The following MACROH2A1 variants were observed in gnomAD, a reference collection of about 807,000 sequenced individuals.
The protein encoded by MACROH2A1 is macroH2A.1 histone, also known as core histone macro-H2A.1.
A neutral mutation model predicts 31.6 loss-of-function variants in MACROH2A1; 2 were observed. The ratio of observed to expected loss-of-function variants is 0.06; its 90% CI spans 0.03 to 0.20. MACROH2A1 has a LOEUF of 0.20. MACROH2A1 is among the 10% of genes least tolerant of loss of function. The pLI is 1.00. For missense variants in MACROH2A1, 230 were observed against 474.0 expected (o/e 0.49, Z 4.78); for synonymous variants, 169 against 189.6 (o/e 0.89, Z 0.89).
intron 2 of MACROH2A1, among the ~76,000 whole-genome samples, chr5:135,372,292 G>A (rs767323387): frequency 2.6e-5 from 4 of 152,226 alleles, no homozygotes; most frequent in Non-Finnish European, 2.9e-5. Flanking sequence ...ATACATGTGA[G>A]AGCCACAAAA....
Position 135,353,391 on chromosome 5 carries a change from G to A in MACROH2A1, c.589-346C>T, listed in dbSNP as rs543320059. ...TCAGGACCTAGAATGAGTACTCATT[G>A]CTGAGGGTTGGGGGCTGGTGGATGT... On this transcript the variant is annotated intron_variant, in intron 5 of 8. Coordinates refer to ENST00000511689, the MANE Select transcript of MACROH2A1 (RefSeq NM_138610.3). The A allele has an allele frequency of 3.4e-5, 9 of 267,132 alleles. No individual in the cohort carries two copies. The South Asian group carries it at 4.2e-4, about 12-fold the overall frequency. The allele number at this position is 267,132 out of a possible 1,614,324, so 16.5% of individuals were successfully genotyped here.
At chr5:135,367,293 T>C (rs1001418142) in intron 4 of MACROH2A1, among the ~76,000 whole-genome samples, 2 of 152,228 alleles carry the variant, frequency 1.3e-5, no homozygotes, top group African/African-American at 4.8e-5. Flanking sequence ...CAGGGTTTAA[T>C]GTTAGCCAAA....
Position 135,369,368 on chromosome 5 carries a change from T to A in MACROH2A1, c.477+38A>T. On this transcript the variant is annotated intron_variant, in intron 4 of 8. Coordinates refer to ENST00000511689, the MANE Select transcript of MACROH2A1 (RefSeq NM_138610.3). The surrounding 1 kb of genome is among the most constrained non-coding windows in gnomAD (Gnocchi z 4.3). Reference sequence around the variant, plus strand: ...GGTAACCCTGTTTATCCGTACCCCATCCTATCCCACTTCATACATTCTGGC... The same window carrying A: ...GGTAACCCTGTTTATCCGTACCCCAACCTATCCCACTTCATACATTCTGGC... 1 of 1,545,986 alleles carries A rather than the reference T, an allele frequency of 6.5e-7. No individual in the cohort carries two copies. Among genetic ancestry groups the A allele is most frequent in the Non-Finnish European group, 8.9e-7 (1 of 1,118,148 alleles).
At chr5:135,357,167 G>C (rs1391108957) in intron 5 of MACROH2A1, 1 of 152,198 alleles carries the variant, frequency 6.6e-6, no homozygotes, top group African/African-American at 2.4e-5. Flanking sequence ...GAGGCCTTGG[G>C]CCGGGCAGAA....
intron 8 of MACROH2A1, among the ~76,000 whole-genome samples, chr5:135,337,566 A>G (rs1415029724): frequency 2.6e-5 from 4 of 152,270 alleles, no homozygotes; most frequent in Admixed American, 6.5e-5. Context: ...CTCTACATCA[A>G]TAGTTCTCAA....
chr5:135,366,610 G>A (rs183801026), intron 4 of MACROH2A1, among the ~76,000 whole-genome samples: 34 of 152,054 alleles, frequency 2.2e-4, no homozygotes, highest in African/African-American at 8.2e-4. Flanking sequence ...CAAGTAGGAT[G>A]GGGAGGGATT....
rs777914215 is a variant in MACROH2A1, at chr5:135,388,965, C to G, written c.129G>C (p.Val43=). The change falls in exon 2 of 9, where the codon GTG becomes GTC. Residue 43 remains valine, a synonymous_variant. Coordinates refer to ENST00000511689, the MANE Select transcript of MACROH2A1 (RefSeq NM_138610.3). ...CGGCGGCCATGTACACGGGTGCCCC[C>G]ACTCCAATCCTGTACTTGGGGTGGC... ...KKGHPKYRIG[V]GAPVYMAAVL... 9 of 1,612,372 alleles carry G rather than the reference C, an allele frequency of 5.6e-6. No individual in the cohort carries two copies. The highest frequency in any genetic ancestry group is 5.0e-5 in the Admixed American group (3 of 59,960).
chr5:135,393,008 T>G (rs1046045115), intron 1 of MACROH2A1, among the ~76,000 whole-genome samples: 15 of 152,238 alleles, frequency 9.9e-5, no homozygotes, highest in African/African-American at 3.6e-4. Context: ...GGCCATCTTC[T>G]TGCAGAACAG....
intron 4 of MACROH2A1, chr5:135,362,393 T>C (rs941382823): frequency 1.3e-5 from 2 of 152,234 alleles, no homozygotes; most frequent in African/African-American, 4.8e-5. Flanking sequence ...AAAATGTTTA[T>C]TAAAACAAAT....
At chr5:135,338,444 T>A (rs1581112533) in intron 8 of MACROH2A1, among the ~76,000 whole-genome samples, 2 of 152,210 alleles carry the variant, frequency 1.3e-5, no homozygotes, top group African/African-American at 4.8e-5. Flanking sequence ...GAAGGGTCTT[T>A]TAAAAGGCTC....
intron 5 of MACROH2A1, chr5:135,360,212 C>T (rs1438681250): frequency 2.3e-6 from 1 of 438,132 alleles, no homozygotes; most frequent in Non-Finnish European, 4.1e-6. Context: ...ACAGAAGCAG[C>T]TCCTCCTCCA....
At chr5:135,338,788 T>C (rs1420441068) in intron 8 of MACROH2A1, among the ~76,000 whole-genome samples, 1 of 152,242 alleles carries the variant, frequency 6.6e-6, no homozygotes, top group African/African-American at 2.4e-5. Flanking sequence ...CTGTGCTGCC[T>C]ATCTTTCAGA....
chr5:135,365,654 ATTAAATG>A (rs1286439146), intron 4 of MACROH2A1, among the ~76,000 whole-genome samples: 1 of 152,228 alleles, frequency 6.6e-6, no homozygotes, highest in Non-Finnish European at 1.5e-5. Flanking sequence ...AAAACTCAGT[ATTAAATG>A]TTAAAAAGAT....
At chr5:135,382,732 T>C (rs1765816845) in intron 2 of MACROH2A1, among the ~76,000 whole-genome samples, 1 of 152,176 alleles carries the variant, frequency 6.6e-6, no homozygotes, top group African/African-American at 2.4e-5. Context: ...AAGAAAATAT[T>C]TGCATCAAGA....
chr5:135,361,620 T>C (rs1297172785), intron 4 of MACROH2A1: 1 of 152,234 alleles, frequency 6.6e-6, no homozygotes, highest in African/African-American at 2.4e-5. Flanking sequence ...AGTACTTCAC[T>C]CCTGAGGGAG....
intron 1 of MACROH2A1, among the ~76,000 whole-genome samples, chr5:135,397,323 A>T (rs1373783365): frequency 6.6e-6 from 1 of 152,122 alleles, no homozygotes; most frequent in Non-Finnish European, 1.5e-5. Flanking sequence ...TCACTCCCTG[A>T]CACTGGCCCA....
At chr5:135,364,253 T>C (rs963691745) in intron 4 of MACROH2A1, among the ~76,000 whole-genome samples, 3 of 152,010 alleles carry the variant, frequency 2.0e-5, no homozygotes, top group African/African-American at 7.3e-5. Flanking sequence ...GGTGTGGGGC[T>C]GGGGGAAGGA....
At chr5:135,348,708 C>T (rs145259392) in intron 6 of MACROH2A1, among the ~76,000 whole-genome samples, 26 of 152,286 alleles carry the variant, frequency 1.7e-4, no homozygotes, top group African/African-American at 5.8e-4. Context: ...TGGACTGGTC[C>T]GCTGGGCAGA....
At position 135,360,579 on chromosome 5, in the gene MACROH2A1, G is replaced by A. The variant is rs1762715216; in HGVS notation, c.506C>T (p.Ala169Val). 6.2e-7 allele frequency: 1 copy of A among 1,613,692 alleles called. No homozygotes were observed. Among genetic ancestry groups the A allele is most frequent in the East Asian group, 2.2e-5 (1 of 44,878 alleles). Reference protein sequence around the residue: ...KKKQGEVSKAASADSTTEGTP... With the variant: ...KKKQGEVSKAVSADSTTEGTP... Reference sequence around the variant, plus strand: ...GCCCTCGGTTGTGCTGTCGGCGCTGGCTGCCTTACTGACTTCACCCTGCTT... The same window carrying A: ...GCCCTCGGTTGTGCTGTCGGCGCTGACTGCCTTACTGACTTCACCCTGCTT... Residue 169 changes from alanine to valine, a missense_variant, in exon 5 of 9, where the codon GCC becomes GTC. Coordinates refer to ENST00000511689, the MANE Select transcript of MACROH2A1 (RefSeq NM_138610.3).
Sources: gnomAD v4.1 joint callset for allele counts (sites outside exome capture counted in the v4.1 genomes callset) on GRCh38, gnomAD v4.1.1 for gene constraint, Gnocchi (gnomAD v3.1) non-coding constraint, MANE v1.5 for transcripts, NCBI Gene and HGNC (gene_info 2026-07-23, HGNC 2026-07-21) for gene names.